Variants in B3GALT1 observed in about 807,000 individuals in gnomAD.
The protein encoded by B3GALT1 is UDP-Gal:betaGlcNAc beta 1,3-galactosyltransferase, polypeptide 1.
In B3GALT1, 10 loss-of-function variants were observed where a neutral mutation model predicts 23.2. The ratio of observed to expected loss-of-function variants is 0.43; its 90% CI spans 0.27 to 0.73. The LOEUF (loss-of-function observed/expected upper bound fraction) is 0.73, where lower values mean the gene tolerates loss of function less well. Ranked by LOEUF, B3GALT1 falls within the 30% of genes least tolerant of loss-of-function variation. The probability of loss-of-function intolerance (pLI) is 0.21; values close to 1 mark genes in which losing one functional copy is unlikely to be tolerated. For synonymous variants in B3GALT1, 156 were observed against 141.5 expected (o/e 1.10, Z -0.73); for missense variants, 299 against 405.4 (o/e 0.74, Z 2.25).
At chr2:167,492,310 T>C (rs1699721333) in intron 2 of B3GALT1, among the ~76,000 whole-genome samples, 1 of 152,230 alleles carries the variant, frequency 6.6e-6, no homozygotes, top group Non-Finnish European at 1.5e-5. Flanking sequence ...TGTGGCTTAA[T>C]AGCTCATTTC....
chr2:167,791,158 T>A (rs1173083894), intron 3 of B3GALT1, among the ~76,000 whole-genome samples: 1 of 152,122 alleles, frequency 6.6e-6, no homozygotes, highest in Non-Finnish European at 1.5e-5. Context: ...ACTCTATAGA[T>A]AGGCATTATC....
chr2:167,715,860 C>T (rs1170172288), intron 3 of B3GALT1: 9 of 1,613,712 alleles, frequency 5.6e-6, no homozygotes, highest in African/African-American at 1.3e-5. Flanking sequence ...CACATAAAGC[C>T]GACTCCTAAC....
At chr2:167,649,426 A>G (rs562608820) in intron 3 of B3GALT1, among the ~76,000 whole-genome samples, 2 of 152,214 alleles carry the variant, frequency 1.3e-5, no homozygotes, top group Admixed American at 6.5e-5. Flanking sequence ...TCACCCCCAA[A>G]GGAAACCCAG....
chr2:167,709,178 A>T (rs1201644959), intron 3 of B3GALT1, among the ~76,000 whole-genome samples: 2 of 152,220 alleles, frequency 1.3e-5, no homozygotes, highest in African/African-American at 4.8e-5. Flanking sequence ...GAGAAACAAA[A>T]GGAGATGTTT....
intron 3 of B3GALT1, among the ~76,000 whole-genome samples, chr2:167,689,906 G>A (rs2105500282): frequency 6.6e-6 from 1 of 152,254 alleles, no homozygotes; most frequent in East Asian, 1.9e-4. Flanking sequence ...GAAGCATAAG[G>A]TTGGCATTAC....
chr2:167,340,387 AG>A (rs1488521202), intron 1 of B3GALT1, among the ~76,000 whole-genome samples: 2 of 151,778 alleles, frequency 1.3e-5, no homozygotes, highest in Admixed American at 6.6e-5. Flanking sequence ...CTGAAACTTG[AG>A]GGACCTCTAA....
At chr2:167,459,072 A>G (rs1385762127) in intron 1 of B3GALT1, among the ~76,000 whole-genome samples, 1 of 152,160 alleles carries the variant, frequency 6.6e-6, no homozygotes, top group Non-Finnish European at 1.5e-5. Context: ...TATTCAGCTA[A>G]TCTCTGTCTT....
intron 4 of B3GALT1, among the ~76,000 whole-genome samples, chr2:167,834,015 G>A (rs893798221): frequency 1.3e-5 from 2 of 152,128 alleles, no homozygotes; most frequent in Non-Finnish European, 2.9e-5. Context: ...CTATATCAGT[G>A]AGGAGTAGAA....
chr2:167,762,514 T>A (rs1359391335), intron 3 of B3GALT1, among the ~76,000 whole-genome samples: 1 of 151,544 alleles, frequency 6.6e-6, no homozygotes, highest in Non-Finnish European at 1.5e-5. Context: ...CTTAGGAGTC[T>A]TAAGATACCT....
chr2:167,728,229 A>G (rs987723510), intron 3 of B3GALT1, among the ~76,000 whole-genome samples: 3 of 152,172 alleles, frequency 2.0e-5, no homozygotes, highest in African/African-American at 7.2e-5. Flanking sequence ...CTCTACTAAA[A>G]ATACAAAAAT....
At chr2:167,477,958 C>T (rs1699509342) in intron 1 of B3GALT1, among the ~76,000 whole-genome samples, 1 of 152,238 alleles carries the variant, frequency 6.6e-6, no homozygotes, top group East Asian at 1.9e-4. Flanking sequence ...TTGTTTCAAA[C>T]AAGATTGATA....
Position 167,650,302 on chromosome 2 carries a change from C to CTA in B3GALT1, c.-352+3348_-352+3349dup, listed in dbSNP as rs199838551. Among the ~76,000 whole-genome samples the CTA allele has an allele frequency of 9.0e-3, 1,325 of 146,570 alleles. 8 individuals are homozygous for CTA. Among genetic ancestry groups the CTA allele is most frequent in the Non-Finnish European group, 0.013 (868 of 66,500 alleles). On this transcript the variant is annotated intron_variant, in intron 3 of 4. Transcript: ENST00000392690. ...GGTTCAACAAAAGAAACCACTTGAT[C>CTA]TATATATATATATGTGTGTGTGTAT...
At chr2:167,632,302 A>G (rs996568580) in intron 2 of B3GALT1, among the ~76,000 whole-genome samples, 1 of 152,096 alleles carries the variant, frequency 6.6e-6, no homozygotes, top group Non-Finnish European at 1.5e-5. Context: ...TCCTTCAGGT[A>G]TATACCCAGT....
chr2:167,615,705 A>T (rs867642183), intron 2 of B3GALT1, among the ~76,000 whole-genome samples: 61 of 152,132 alleles, frequency 4.0e-4, no homozygotes, highest in Non-Finnish European at 4.0e-4. Context: ...CAGAATACTA[A>T]TATCTCTAAT....
intron 1 of B3GALT1, among the ~76,000 whole-genome samples, chr2:167,323,270 A>G (rs991564800): frequency 1.3e-5 from 2 of 152,098 alleles, no homozygotes; most frequent in Non-Finnish European, 2.9e-5. Context: ...TGTGGCATGC[A>G]TATTGGATAT....
At chr2:167,657,278 T>G (rs1197704958) in intron 3 of B3GALT1, among the ~76,000 whole-genome samples, 1 of 152,140 alleles carries the variant, frequency 6.6e-6, no homozygotes, top group African/African-American at 2.4e-5. Context: ...TATCAGTTTT[T>G]GATCATTGAA....
chr2:167,510,368 A>G (rs1462430428), intron 2 of B3GALT1, among the ~76,000 whole-genome samples: 1 of 150,876 alleles, frequency 6.6e-6, no homozygotes, highest in Admixed American at 6.6e-5. Flanking sequence ...GTGATTTTTT[A>G]ATGGAACCAT....
intron 3 of B3GALT1, among the ~76,000 whole-genome samples, chr2:167,808,048 A>C (rs571759166): frequency 1.3e-5 from 2 of 152,132 alleles, no homozygotes; most frequent in South Asian, 4.2e-4. Context: ...TCCTTTTACC[A>C]TTATGTAATG....
At chr2:167,322,859 A>C (rs1457320208) in intron 1 of B3GALT1, among the ~76,000 whole-genome samples, 1 of 151,950 alleles carries the variant, frequency 6.6e-6, no homozygotes, top group Non-Finnish European at 1.5e-5. Flanking sequence ...TTCATCACTA[A>C]ATGGGGGCTT....
Sources: allele counts gnomAD v4.1 joint callset (sites outside exome capture counted in the v4.1 genomes callset), GRCh38; gene constraint gnomAD v4.1.1; transcripts MANE v1.5; gene names NCBI Gene and HGNC (gene_info 2026-07-23, HGNC 2026-07-21).